Variants in BCOR observed in about 807,000 individuals in gnomAD.
BCOR encodes the protein BCL-6 corepressor.
Under a neutral mutation model 86.7 loss-of-function variants are expected in BCOR, and 10 were observed. That is an observed-to-expected ratio of 0.12 (90% CI 0.07 to 0.20). The LOEUF is 0.20. Among genes scored for constraint, BCOR ranks in the 10% least tolerant of loss-of-function variants. The pLI is 1.00. For synonymous variants in BCOR, 611 were observed against 609.0 expected, an observed-to-expected ratio of 1.00 and a Z score of -0.05; for missense variants, 1,259 against 1,452.1, an observed-to-expected ratio of 0.87 and a Z score of 2.16.
chrX:40,137,516 G>A (rs1937707039), intron 1 of BCOR, among the ~76,000 whole-genome samples: 2 of 104,537 alleles, frequency 1.9e-5, no homozygotes, highest in Non-Finnish European at 1.9e-5. Flanking sequence ...CTATTGCACT[G>A]CAGCCTAGAT....
chrX:40,177,129 G>A (rs1478670730), exon 1 of BCOR: 1 of 110,575 alleles, frequency 9.0e-6, no homozygotes, highest in African/African-American at 3.3e-5. Context: ...TCCGGGAGGG[G>A]GTGTCTCAGA....
chrX:40,064,364 C>A lies in BCOR; in HGVS notation c.3474G>T (p.Leu1158=). The part of the protein sequence containing the change: ...TAEEVPEDPL[L]KAKRRRVSKD... ...TAGAGACTCGTCGGCGTTTGGCTTT[C>A]AGCAGAGGGTCCTCTGGCACCTCCT... The change falls in exon 7 of 15, where the codon CTG becomes CTT. Residue 1158 remains leucine, a synonymous_variant. Coordinates refer to ENST00000378444, the MANE Select transcript of BCOR (RefSeq NM_001123385.2). 8.2e-7 allele frequency: 1 copy of A among 1,212,464 alleles called. No individual in the cohort carries two copies. Among genetic ancestry groups the A allele is most frequent in the Non-Finnish European group, 1.1e-6 (1 of 895,653 alleles).
intron 1 of BCOR, among the ~76,000 whole-genome samples, chrX:40,170,121 C>T (rs1379089136): frequency 9.0e-6 from 1 of 111,319 alleles, no homozygotes; most frequent in Non-Finnish European, 1.9e-5. Context: ...AGTAGCAGGC[C>T]TGGGTCTTCT....
At position 40,063,013 on chromosome X, in the gene BCOR, G is replaced by T; in HGVS notation, c.3906C>A (p.Gly1302=). The T allele has an allele frequency of 1.7e-6, 2 of 1,170,442 alleles. No homozygotes were observed. The highest frequency in any genetic ancestry group is 3.8e-5 in the South Asian group (2 of 53,029). The change falls in exon 9 of 15, where the codon GGC becomes GGA. Residue 1302 remains glycine, a synonymous_variant. Transcript: ENST00000378444. The stretch of plus-strand genomic sequence containing the variant: ...AGCTTGGCTGAGCCTGCTTTTTGCC[G>T]CCTGCACTGGTGGATGAAAGACTCT... ...PMKSLSSTSA[G]GKKQAQPSCA... is the part of the protein sequence containing the mutation.
intron 1 of BCOR, among the ~76,000 whole-genome samples, chrX:40,152,679 C>T (rs957647369): frequency 8.8e-5 from 10 of 113,017 alleles, no homozygotes; most frequent in Admixed American, 3.7e-4. Flanking sequence ...ACCCGGGCCC[C>T]GGAGCCAGCG....
At chrX:40,166,029 G>C (rs1602280744) in intron 1 of BCOR, among the ~76,000 whole-genome samples, 1 of 111,981 alleles carries the variant, frequency 8.9e-6, no homozygotes. Flanking sequence ...CCAATTTTTT[G>C]ATGTAGGCAT....
At chrX:40,132,611 T>A (rs1937614208) in intron 1 of BCOR, among the ~76,000 whole-genome samples, 2 of 111,598 alleles carry the variant, frequency 1.8e-5, no homozygotes, top group South Asian at 7.5e-4. Flanking sequence ...AGTTCTGGGG[T>A]AATTTGTTGC....
intron 1 of BCOR, among the ~76,000 whole-genome samples, chrX:40,108,499 G>A (rs980811757): frequency 1.8e-5 from 2 of 113,533 alleles, no homozygotes; most frequent in Non-Finnish European, 1.9e-5. Context: ...AGCCTCCACC[G>A]GGGTTAGGAG....
intron 1 of BCOR, among the ~76,000 whole-genome samples, chrX:40,166,524 A>G (rs1454817240): frequency 9.0e-6 from 1 of 111,139 alleles, no homozygotes; most frequent in Non-Finnish European, 1.9e-5. Flanking sequence ...GAATCTTGGC[A>G]CCCTACCTGC....
At chrX:40,153,483 C>T (rs1332859381) in intron 1 of BCOR, among the ~76,000 whole-genome samples, 1 of 111,998 alleles carries the variant, frequency 8.9e-6, no homozygotes, top group Non-Finnish European at 1.9e-5. Context: ...AAATCTGTCG[C>T]TCCTCCGACC....
chrX:40,076,754 G>T (rs971317250), intron 2 of BCOR, among the ~76,000 whole-genome samples: 1 of 112,680 alleles, frequency 8.9e-6, no homozygotes, highest in Admixed American at 9.4e-5. Flanking sequence ...CATGTGTGAG[G>T]ACATGAATCA....
chrX:40,153,855 G>T (rs1194575671), intron 1 of BCOR, among the ~76,000 whole-genome samples: 1 of 111,685 alleles, frequency 9.0e-6, no homozygotes, highest in Non-Finnish European at 1.9e-5. Flanking sequence ...ACTCGGAGCC[G>T]CAGCGAGAGG....
intron 1 of BCOR, among the ~76,000 whole-genome samples, chrX:40,113,981 G>A (rs920238029): frequency 9.0e-6 from 1 of 110,874 alleles, no homozygotes; most frequent in African/African-American, 3.3e-5. Flanking sequence ...ACCAAGCCTG[G>A]CTACTTTTTG....
intron 1 of BCOR, among the ~76,000 whole-genome samples, chrX:40,160,924 C>G (rs966562959): frequency 1.5e-4 from 16 of 107,246 alleles, no homozygotes; most frequent in African/African-American, 5.4e-4. Context: ...ATCTGCCCAC[C>G]TCGGCCTCCT....
chrX:40,165,162 C>T (rs1287864303), intron 1 of BCOR, among the ~76,000 whole-genome samples: 1 of 111,716 alleles, frequency 9.0e-6, no homozygotes, highest in Non-Finnish European at 1.9e-5. Flanking sequence ...GATAAAGCAG[C>T]TTGCAATGGG....
At chrX:40,118,418 G>A (rs959372307) in intron 1 of BCOR, among the ~76,000 whole-genome samples, 3 of 108,925 alleles carry the variant, frequency 2.8e-5, no homozygotes, top group South Asian at 4.0e-4. Context: ...GCCCACCGCC[G>A]CACCTGGCTA....
At chrX:40,070,947 C>T (rs370021857) in intron 6 of BCOR, 26 bp downstream of exon 6, 452 of 1,202,696 alleles carry the variant, frequency 3.8e-4, no homozygotes, top group Non-Finnish European at 4.9e-4. Flanking sequence ...GAGGCCAACA[C>T]AAGCAAACTG....
intron 1 of BCOR, among the ~76,000 whole-genome samples, chrX:40,089,672 GGGTAA>G (rs1936512217): frequency 9.0e-6 from 1 of 111,367 alleles, no homozygotes; most frequent in African/African-American, 3.3e-5. Context: ...GAATAGTCAG[GGGTAA>G]GGTGGGTCGA....
chrX:40,094,837 G>C (rs1273837593), intron 1 of BCOR, among the ~76,000 whole-genome samples: 2 of 113,452 alleles, frequency 1.8e-5, no homozygotes, highest in East Asian at 2.8e-4. Context: ...GCGAGGCCCC[G>C]GCCTGTGTGG....
Sources: allele counts gnomAD v4.1 joint callset (sites outside exome capture counted in the v4.1 genomes callset), GRCh38; gene constraint gnomAD v4.1.1; transcripts MANE v1.5; gene names NCBI Gene and HGNC (gene_info 2026-07-23, HGNC 2026-07-21).